Variants in L3MBTL4 observed in about 807,000 individuals in gnomAD.
L3MBTL4 encodes the protein L3MBTL histone methyl-lysine binding protein 4, also known as lethal(3)malignant brain tumor-like protein 4.
L3MBTL4 carries 70 observed loss-of-function variants against 84.5 expected under a neutral mutation model. The ratio of observed to expected loss-of-function variants is 0.83; its 90% CI spans 0.68 to 1.01. The LOEUF (loss-of-function observed/expected upper bound fraction) is 1.01. Ranked by LOEUF, L3MBTL4 falls within the 50% of genes least tolerant of loss-of-function variation. The probability of loss-of-function intolerance (pLI) is 0.00; values close to 1 mark genes in which losing one functional copy is unlikely to be tolerated. For missense variants in L3MBTL4, 715 were observed against 754.8 expected (o/e 0.95, Z 0.62); for synonymous variants, 274 against 259.8 (o/e 1.05, Z -0.52).
intron 14 of L3MBTL4, among the ~76,000 whole-genome samples, chr18:6,115,036 G>A (rs2144175743): frequency 6.6e-6 from 1 of 152,266 alleles, no homozygotes; most frequent in South Asian, 2.1e-4. Context: ...CAAGTGAAGT[G>A]TCGGTGAGAT....
At chr18:6,190,274 G>C (rs960377702) in intron 12 of L3MBTL4, among the ~76,000 whole-genome samples, 2 of 152,176 alleles carry the variant, frequency 1.3e-5, no homozygotes, top group East Asian at 3.8e-4. Context: ...GAAAGGTATG[G>C]GAAAGGGCTG....
chr18:6,262,645 C>T (rs1275302729), intron 5 of L3MBTL4, among the ~76,000 whole-genome samples: 7 of 152,180 alleles, frequency 4.6e-5, no homozygotes, highest in African/African-American at 9.7e-5. Flanking sequence ...GGAAGACCCA[C>T]GCTGTGCTCT....
At chr18:6,125,489 C>G (rs936990066) in intron 14 of L3MBTL4, among the ~76,000 whole-genome samples, 1 of 152,074 alleles carries the variant, frequency 6.6e-6, no homozygotes, top group African/African-American at 2.4e-5. Context: ...AGTGTAGTGG[C>G]GTGATCTTGG....
intron 13 of L3MBTL4, among the ~76,000 whole-genome samples, chr18:6,161,972 CTG>C (rs200214261): frequency 1.8e-3 from 263 of 148,714 alleles, no homozygotes; most frequent in African/African-American, 5.5e-3. Context: ...GAGAATATAC[CTG>C]TGTGTGTGTG....
chr18:6,020,578 G>A (rs1337156594), intron 16 of L3MBTL4, among the ~76,000 whole-genome samples: 2 of 151,510 alleles, frequency 1.3e-5, no homozygotes, highest in Non-Finnish European at 2.9e-5. Context: ...GACCAGATAA[G>A]GAGACACCAT....
At chr18:6,049,229 G>A (rs571770097) in intron 16 of L3MBTL4, among the ~76,000 whole-genome samples, 5 of 152,210 alleles carry the variant, frequency 3.3e-5, no homozygotes, top group South Asian at 4.2e-4. Context: ...CAATTGCAAC[G>A]AAAACAAAAT....
At chr18:5,969,186 C>G (rs184049072) in intron 17 of L3MBTL4, among the ~76,000 whole-genome samples, 17 of 152,278 alleles carry the variant, frequency 1.1e-4, no homozygotes, top group Admixed American at 2.0e-4. Flanking sequence ...GCAAAACCAT[C>G]TGGGCAAGTG....
At chr18:6,173,374 A>G (rs1057430584) in intron 12 of L3MBTL4, among the ~76,000 whole-genome samples, 5 of 152,220 alleles carry the variant, frequency 3.3e-5, no homozygotes, top group Non-Finnish European at 5.9e-5. Flanking sequence ...CACAGAGAAG[A>G]AACATAAAGA....
intron 16 of L3MBTL4, among the ~76,000 whole-genome samples, chr18:6,023,833 GC>G (rs2055377321): frequency 6.6e-6 from 1 of 152,014 alleles, no homozygotes. Flanking sequence ...TAGGTAATTT[GC>G]CCAAGTTCGT....
At chr18:6,404,525 G>C (rs1000467907) in intron 1 of L3MBTL4, among the ~76,000 whole-genome samples, 1 of 152,124 alleles carries the variant, frequency 6.6e-6, no homozygotes, top group African/African-American at 2.4e-5. Flanking sequence ...GTGGCCTGTA[G>C]AAAAGTGCCA....
Position 5,964,062 on chromosome 18 carries a change from G to A in L3MBTL4, c.1615-3906C>T, listed in dbSNP as rs1386189148. On this transcript the variant is annotated intron_variant, in intron 17 of 18. Coordinates refer to ENST00000317931, the MANE Select transcript of L3MBTL4 (RefSeq NM_001330559.2). ...CCTGGTGGCATGGGGGCTGCCATGT[G>A]GGTGTCTCCCCTTGGCCTTGGCTCT... Among the ~76,000 whole-genome samples the A allele has an allele frequency of 6.6e-4, 100 of 152,346 alleles. 1 individual carries two copies. Among genetic ancestry groups the A allele is most frequent in the Non-Finnish European group, 1.0e-4 (7 of 68,038 alleles).
chr18:5,959,985 T>C (rs16949072), intron 18 of L3MBTL4, 109 bp downstream of exon 18: 9,653 of 226,592 alleles, frequency 0.043, 915 homozygotes, highest in African/African-American at 0.23. Context: ...AAAACACTTC[T>C]GGGTCTAGAA....
At chr18:6,114,507 T>C (rs2059297452) in intron 14 of L3MBTL4, among the ~76,000 whole-genome samples, 1 of 152,246 alleles carries the variant, frequency 6.6e-6, no homozygotes, top group African/African-American at 2.4e-5. Flanking sequence ...AGCTCCTTGA[T>C]AGTATGTATA....
In L3MBTL4 at chr18:5,998,354, T is replaced by C. The variant is rs530480361; in HGVS notation, c.1445-28792A>G. Among the ~76,000 whole-genome samples the C allele has an allele frequency of 1.7e-3, 261 of 152,212 alleles. 2 individuals are homozygous for C. The highest frequency in any genetic ancestry group is 3.1e-3 in the Non-Finnish European group (211 of 68,002). ...GCTGCGTCTGCAGAGGCTCTGTGGCTAGATGGGAGAAAACAAGGCTATAAA... is the reference window on the plus strand; with the variant it reads ...GCTGCGTCTGCAGAGGCTCTGTGGCCAGATGGGAGAAAACAAGGCTATAAA... On this transcript the variant is annotated intron_variant, in intron 16 of 18. Coordinates refer to ENST00000317931, the MANE Select transcript of L3MBTL4 (RefSeq NM_001330559.2).
Position 6,237,503 on chromosome 18 carries a change from T to G in L3MBTL4, c.784+461A>C, listed in dbSNP as rs527480645. On this transcript the variant is annotated intron_variant, in intron 10 of 18. Transcript: ENST00000317931. ...CAGAGTCTCACTCTGTCACCCAGGC[T>G]GGTGTGCAGTGACACGATCTCGGCT... Among the ~76,000 whole-genome samples, 300 of 141,144 alleles carry G rather than the reference T, an allele frequency of 2.1e-3. 1 individual carries two copies. The highest frequency in any genetic ancestry group is 7.7e-3 in the African/African-American group (289 of 37,316). The allele number at this position is 141,144 out of a possible 152,430, so 92.6% of individuals were successfully genotyped here.
At chr18:6,047,441 C>T (rs1350085807) in intron 16 of L3MBTL4, among the ~76,000 whole-genome samples, 2 of 151,888 alleles carry the variant, frequency 1.3e-5, no homozygotes, top group Non-Finnish European at 2.9e-5. Flanking sequence ...CTGGCAAAAA[C>T]ACAATGAAAA....
intron 16 of L3MBTL4, among the ~76,000 whole-genome samples, chr18:5,985,537 C>A (rs1192687075): frequency 6.6e-6 from 1 of 152,122 alleles, no homozygotes; most frequent in Non-Finnish European, 1.5e-5. Context: ...GAGATTTGCC[C>A]GAAGGTAGCA....
intron 13 of L3MBTL4, among the ~76,000 whole-genome samples, chr18:6,164,015 G>A (rs182333780): frequency 6.6e-6 from 1 of 152,186 alleles, no homozygotes; most frequent in Non-Finnish European, 1.5e-5. Context: ...CTTAACAAAC[G>A]GCACACCAGG....
chr18:6,025,669 G>A (rs374168288), intron 16 of L3MBTL4, among the ~76,000 whole-genome samples: 3 of 152,278 alleles, frequency 2.0e-5, no homozygotes, highest in African/African-American at 7.2e-5. Flanking sequence ...CCACAGACAG[G>A]GGCTTGGGCG....
Sources: gnomAD v4.1 joint callset for allele counts (sites outside exome capture counted in the v4.1 genomes callset) on GRCh38, gnomAD v4.1.1 for gene constraint, MANE v1.5 for transcripts, NCBI Gene and HGNC (gene_info 2026-07-23, HGNC 2026-07-21) for gene names.